The following NFIA variants were observed in gnomAD, a reference collection of about 807,000 sequenced individuals.
NFIA encodes the protein nuclear factor 1 A-type.
Under a neutral mutation model 62.8 loss-of-function variants are expected in NFIA, and 8 were observed. The observed-to-expected ratio is 0.13, with a 90% CI of 0.07 to 0.23. NFIA has a LOEUF of 0.23. NFIA is among the 10% of genes least tolerant of loss of function. The pLI is 1.00. For synonymous variants in NFIA, 235 were observed against 238.1 expected (o/e 0.99, Z 0.12); for missense variants, 410 against 642.1 (o/e 0.64, Z 3.91).
At chr1:61,193,923 T>C (rs1651818015) in intron 2 of NFIA, among the ~76,000 whole-genome samples, 1 of 152,210 alleles carries the variant, frequency 6.6e-6, no homozygotes, top group Non-Finnish European at 1.5e-5. Context: ...TTGAGGGCTT[T>C]GTCTACATAC....
intron 3 of NFIA, among the ~76,000 whole-genome samples, chr1:61,304,281 GAA>G (rs749211500): frequency 1.3e-5 from 2 of 150,818 alleles, no homozygotes; most frequent in African/African-American, 2.4e-5. Context: ...ATCTAAAAAA[GAA>G]AAAGAGAGAG....
chr1:61,124,785 A>G (rs1646941376), intron 2 of NFIA: 1 of 152,234 alleles, frequency 6.6e-6, no homozygotes. Flanking sequence ...TATATGAGGC[A>G]GCAAACACCT....
chr1:61,124,264 A>C (rs558324632), intron 2 of NFIA, among the ~76,000 whole-genome samples: 1 of 152,250 alleles, frequency 6.6e-6, no homozygotes, highest in Non-Finnish European at 1.5e-5. Context: ...AAATGTGAGG[A>C]TGTTCTGTGG....
chr1:61,141,516 A>G (rs535716885), intron 2 of NFIA, among the ~76,000 whole-genome samples: 1 of 152,202 alleles, frequency 6.6e-6, no homozygotes, highest in Non-Finnish European at 1.5e-5. Context: ...AGGGGAGGCA[A>G]TACTGTTAAA....
intron 2 of NFIA, among the ~76,000 whole-genome samples, chr1:61,186,486 A>G (rs534287748): frequency 5.9e-5 from 9 of 152,306 alleles, no homozygotes; most frequent in African/African-American, 2.2e-4. Flanking sequence ...GCTTCTGTCC[A>G]TTAAATCGTT....
At chr1:61,182,570 A>C (rs983460335) in intron 2 of NFIA, among the ~76,000 whole-genome samples, 2 of 152,246 alleles carry the variant, frequency 1.3e-5, no homozygotes, top group South Asian at 4.1e-4. Context: ...GTAGGGACGT[A>C]AAATCTTTAT....
intron 2 of NFIA, among the ~76,000 whole-genome samples, chr1:61,200,012 A>G (rs11802948): frequency 0.43 from 3,395 of 7,834 alleles, 80 homozygotes; most frequent in Middle Eastern, 0.5. Context: ...ATATATATGT[A>G]TATATATATA....
intron 8 of NFIA, 66 bp downstream of exon 8, chr1:61,404,348 G>A: frequency 2.1e-6 from 3 of 1,447,424 alleles, no homozygotes; most frequent in Non-Finnish European, 2.8e-6. Context: ...AACAAGGGGA[G>A]ACCTTATGAT....
intron 4 of NFIA, among the ~76,000 whole-genome samples, chr1:61,346,069 A>G (rs778161954): frequency 1.3e-5 from 2 of 152,174 alleles, no homozygotes; most frequent in Non-Finnish European, 2.9e-5. Flanking sequence ...TCCCCGTCCT[A>G]TACTAGCATT....
At chr1:61,282,912 C>T (rs1658224480) in intron 3 of NFIA, among the ~76,000 whole-genome samples, 1 of 152,176 alleles carries the variant, frequency 6.6e-6, no homozygotes, top group African/African-American at 2.4e-5. Flanking sequence ...GTTTGTTCCT[C>T]CTCATTTATC....
At position 61,462,024 on chromosome 1, in the gene NFIA, G is replaced by GTTTTTTTTTTTTTTTTTGTT. The variant is rs1668552357; in HGVS notation, c.*6721_*6722insGTTTTTTTTTTTTTTTTTTT. On this transcript the variant is annotated 3_prime_UTR_variant, in exon 11 of 11. Transcript: ENST00000403491. ...ATAGTCTGTAAGTTAGCCTTTTTGG[G>GTTTTTTTTTTTTTTTTTGTT]TTTTTTTTTTTTTTTTTTGGCTTTT... The GTTTTTTTTTTTTTTTTTGTT allele has an allele frequency of 1.4e-5, 1 of 73,206 alleles. No homozygotes were observed. The highest frequency in any genetic ancestry group is 2.5e-5 in the Non-Finnish European group (1 of 40,492). The allele number at this position is 73,206 out of a possible 1,614,324, so 4.5% of individuals were successfully genotyped here. A position where few individuals can be genotyped will look rare whatever the true frequency, so the allele number is the denominator to read the frequency against.
At chr1:61,234,446 T>A (rs1654866533) in intron 2 of NFIA, among the ~76,000 whole-genome samples, 1 of 150,980 alleles carries the variant, frequency 6.6e-6, no homozygotes, top group East Asian at 1.9e-4. Context: ...ATGCTGATAA[T>A]CCTTGCGTTA....
intron 3 of NFIA, among the ~76,000 whole-genome samples, chr1:61,322,949 C>T (rs1022533709): frequency 6.6e-6 from 1 of 152,068 alleles, no homozygotes; most frequent in African/African-American, 2.4e-5. Flanking sequence ...GACTCTGTCT[C>T]TATGGCTATG....
intron 10 of NFIA, among the ~76,000 whole-genome samples, chr1:61,439,770 A>G (rs771024648): frequency 6.6e-6 from 1 of 152,202 alleles, no homozygotes; most frequent in Non-Finnish European, 1.5e-5. Context: ...GTACCCCCTG[A>G]AAAATGGTAT....
chr1:61,391,988 T>G (rs900946109), intron 7 of NFIA, among the ~76,000 whole-genome samples: 5 of 152,228 alleles, frequency 3.3e-5, no homozygotes, highest in Non-Finnish European at 7.3e-5. Context: ...TTGGAGTATG[T>G]CACTTGAGCA....
chr1:61,235,191 G>A (rs1235898831), intron 2 of NFIA, among the ~76,000 whole-genome samples: 2 of 152,164 alleles, frequency 1.3e-5, no homozygotes, highest in African/African-American at 2.4e-5. Context: ...GGCTGGGCGC[G>A]GTGGCTCATG....
chr1:61,264,054 CATG>C, intron 2 of NFIA, among the ~76,000 whole-genome samples: 1 of 152,068 alleles, frequency 6.6e-6, no homozygotes, highest in South Asian at 2.1e-4. Flanking sequence ...TCTTGGTGAA[CATG>C]ATGAGCTATC....
At chr1:61,163,955 C>A (rs755429305) in intron 2 of NFIA, among the ~76,000 whole-genome samples, 1 of 152,094 alleles carries the variant, frequency 6.6e-6, no homozygotes, top group Non-Finnish European at 1.5e-5. Flanking sequence ...GTTGTCAGTT[C>A]TTTTAATTTT....
At chr1:61,422,670 G>A (rs1440544020) in intron 9 of NFIA, among the ~76,000 whole-genome samples, 1 of 151,640 alleles carries the variant, frequency 6.6e-6, no homozygotes, top group Admixed American at 6.6e-5. Context: ...ACCTTGGGAG[G>A]CCGAGGCGAG....
Sources: gnomAD v4.1 joint callset for allele counts (sites outside exome capture counted in the v4.1 genomes callset) on GRCh38, gnomAD v4.1.1 for gene constraint, MANE v1.5 for transcripts, NCBI Gene and HGNC (gene_info 2026-07-23, HGNC 2026-07-21) for gene names.